Variants in RBM47 observed in about 807,000 individuals in gnomAD.
RBM47 encodes the protein RNA binding motif protein 47, also known as RNA-binding protein 47.
RBM47 carries 21 observed loss-of-function variants against 47.1 expected under a neutral mutation model. The observed-to-expected ratio is 0.45, with a 90% CI of 0.32 to 0.64. The LOEUF (loss-of-function observed/expected upper bound fraction) is 0.64. RBM47 is among the 30% of genes least tolerant of loss of function. RBM47 has a pLI of 0.05. For missense variants in RBM47, 708 were observed against 870.9 expected (o/e 0.81, Z 2.35); for synonymous variants, 375 against 361.7 (o/e 1.04, Z -0.42).
intron 1 of RBM47, among the ~76,000 whole-genome samples, chr4:40,596,902 T>C (rs1461815374): frequency 6.6e-6 from 1 of 152,184 alleles, no homozygotes; most frequent in East Asian, 1.9e-4. Context: ...GAGGTGTTTG[T>C]TGTACCTTTC....
intron 2 of RBM47, among the ~76,000 whole-genome samples, chr4:40,490,133 T>A (rs1721660386): frequency 6.6e-6 from 1 of 152,168 alleles, no homozygotes; most frequent in Non-Finnish European, 1.5e-5. Flanking sequence ...ACTTCTTCAA[T>A]CTGATAAATA....
rs71647001 is a variant in RBM47 at position 40,481,445 on chromosome 4, GTATTATTATTATTATTAT to G, written c.-154-14764_-154-14747del. On this transcript the variant is annotated intron_variant, in intron 2 of 6. Transcript: ENST00000295971. The stretch of plus-strand genomic sequence containing the variant: ...ATGTCACCATTCCCTGCTAATTTTT[GTATTATTATTATTATTAT>G]TATTATTATTATTATTATTATTATT... Among the ~76,000 whole-genome samples, 87 of 126,964 alleles carry G rather than the reference GTATTATTATTATTATTAT, an allele frequency of 6.9e-4. No homozygotes were observed. In the East Asian group the frequency reaches 0.01, roughly 15 times the overall value. The allele number at this position is 126,964 out of a possible 152,430, so 83.3% of individuals were successfully genotyped here. A position where few individuals can be genotyped will look rare whatever the true frequency, so the allele number is the denominator to read the frequency against.
chr4:40,567,558 AGTAACT>A (rs1731219294), intron 1 of RBM47, among the ~76,000 whole-genome samples: 1 of 152,052 alleles, frequency 6.6e-6, no homozygotes, highest in South Asian at 2.1e-4. Context: ...ATAGTCATGC[AGTAACT>A]GTTGTCTCTG....
intron 6 of RBM47, among the ~76,000 whole-genome samples, chr4:40,431,550 C>T (rs1002969385): frequency 6.6e-6 from 1 of 151,698 alleles, no homozygotes; most frequent in East Asian, 2.0e-4. Context: ...CCCAGCTACT[C>T]GGGAGGCTGA....
chr4:40,540,863 C>A (rs1373195510), intron 2 of RBM47, among the ~76,000 whole-genome samples: 2 of 151,204 alleles, frequency 1.3e-5, no homozygotes, highest in East Asian at 1.9e-4. Context: ...TTCCATATAA[C>A]CTAAATGTCA....
In RBM47 at chr4:40,438,017, C is replaced by CCTCG. The variant is rs1242291424; in HGVS notation, c.873_876dup (p.Asp293ArgfsTer14). ...AGGTTGTTCATGGCATGCACGGCAT[C>CCTCG]CTCGCGGCTGGTGAAGTGCACGAAG... On this transcript the variant is annotated frameshift_variant, in exon 4 of 7. Transcript: ENST00000295971. LOFTEE classifies it high-confidence loss of function. The CCTCG allele has an allele frequency of 6.2e-7, 1 of 1,613,718 alleles. No homozygotes were observed.
At chr4:40,557,903 T>C (rs1300266552) in intron 1 of RBM47, among the ~76,000 whole-genome samples, 2 of 152,258 alleles carry the variant, frequency 1.3e-5, no homozygotes, top group Non-Finnish European at 2.9e-5. Context: ...ATTTATCATA[T>C]GTTGCTCAGT....
intron 2 of RBM47, among the ~76,000 whole-genome samples, chr4:40,525,582 A>T (rs577923507): frequency 6.6e-6 from 1 of 152,322 alleles, no homozygotes; most frequent in South Asian, 2.1e-4. Flanking sequence ...TGTATACAGA[A>T]GCCAGGGGCG....
intron 2 of RBM47, among the ~76,000 whole-genome samples, chr4:40,528,096 T>C (rs1195306869): frequency 2.6e-5 from 4 of 152,188 alleles, no homozygotes. Context: ...ACAAAATAAA[T>C]GTAAGCGAAG....
In RBM47 at chr4:40,423,511, A is replaced by G. The variant is rs1714623681; in HGVS notation, c.*2393T>C. ...TTATAAACTTACCTCAGTAGTGTAC[A>G]TGAAATGGTTTTGAAACAATAGGAA... On this transcript the variant is annotated 3_prime_UTR_variant, in exon 7 of 7. Transcript: ENST00000295971. The G allele has an allele frequency of 6.6e-6, 1 of 152,020 alleles. No homozygotes were observed. Among genetic ancestry groups the G allele is most frequent in the Non-Finnish European group, 1.5e-5 (1 of 68,018 alleles). 9.4% of individuals were successfully genotyped at this position (152,020 alleles called of 1,614,324 possible).
chr4:40,554,592 C>A (rs76169119), intron 1 of RBM47, among the ~76,000 whole-genome samples: 1 of 151,992 alleles, frequency 6.6e-6, no homozygotes, highest in African/African-American at 2.4e-5. Flanking sequence ...TACATCTCAC[C>A]TGTAAGAGGC....
At chr4:40,563,056 A>C (rs762053991) in intron 1 of RBM47, among the ~76,000 whole-genome samples, 15 of 152,154 alleles carry the variant, frequency 9.9e-5, no homozygotes, top group Non-Finnish European at 1.9e-4. Flanking sequence ...TAAAAATTAA[A>C]AGTATATTTT....
At chr4:40,496,369 G>C (rs1722589486) in intron 2 of RBM47, among the ~76,000 whole-genome samples, 2 of 150,940 alleles carry the variant, frequency 1.3e-5, no homozygotes, top group Non-Finnish European at 3.0e-5. Context: ...CACACAAAGA[G>C]AGAAAAACCT....
intron 1 of RBM47, among the ~76,000 whole-genome samples, chr4:40,547,704 T>C (rs62304570): frequency 0.19 from 28,703 of 152,054 alleles, 2,839 homozygotes; most frequent in Non-Finnish European, 0.22. Flanking sequence ...TAAACAGTGG[T>C]AAACAGGAGA....
At chr4:40,597,686 TAAAAC>T (rs915577317) in intron 1 of RBM47, among the ~76,000 whole-genome samples, 5 of 152,364 alleles carry the variant, frequency 3.3e-5, no homozygotes, top group East Asian at 3.9e-4. Flanking sequence ...AAATTTTAAA[TAAAAC>T]AAAACAATGC....
intron 2 of RBM47, among the ~76,000 whole-genome samples, chr4:40,534,245 C>G (rs1049163741): frequency 2.6e-5 from 4 of 151,898 alleles, no homozygotes; most frequent in African/African-American, 9.7e-5. Flanking sequence ...GGATTACAGG[C>G]CTGAGCCACC....
chr4:40,562,143 T>C (rs1462558979), intron 1 of RBM47, among the ~76,000 whole-genome samples: 2 of 152,210 alleles, frequency 1.3e-5, no homozygotes, highest in African/African-American at 4.8e-5. Context: ...TTTAAAGATA[T>C]GCAAAGTTAA....
At chr4:40,533,831 T>C (rs1052309579) in intron 2 of RBM47, among the ~76,000 whole-genome samples, 10 of 151,826 alleles carry the variant, frequency 6.6e-5, no homozygotes, top group Non-Finnish European at 1.5e-4. Flanking sequence ...TTTTTTTTTT[T>C]TGAGATGGAG....
intron 1 of RBM47, among the ~76,000 whole-genome samples, chr4:40,592,971 ATATATATATTTT>A (rs1734357994): frequency 2.6e-4 from 6 of 22,806 alleles, no homozygotes; most frequent in Admixed American, 1.5e-3. Context: ...ATATATATAT[ATATATATATTTT>A]TTTTTTTTTT....
Sources: gnomAD v4.1 joint callset for allele counts (sites outside exome capture counted in the v4.1 genomes callset) on GRCh38, gnomAD v4.1.1 for gene constraint, MANE v1.5 for transcripts, NCBI Gene and HGNC (gene_info 2026-07-23, HGNC 2026-07-21) for gene names.